The following PIGN variants were observed in gnomAD, a reference collection of about 807,000 sequenced individuals.
PIGN encodes the protein GPI ethanolamine phosphate transferase 1.
In PIGN, 117 loss-of-function variants were observed where a neutral mutation model predicts 125.4. That is an observed-to-expected ratio of 0.93 (90% CI 0.80 to 1.09). PIGN has a LOEUF of 1.09. PIGN is among the 50% of genes least tolerant of loss of function. The pLI is 0.00. For missense variants in PIGN, 1,075 were observed against 1,094.9 expected (o/e 0.98, Z 0.26); for synonymous variants, 392 against 377.8 (o/e 1.04, Z -0.44).
chr18:62,110,152 T>G (rs2034819370), intron 16 of PIGN, 179 bp from the exon 17 acceptor site: 2 of 531,380 alleles, frequency 3.8e-6, no homozygotes, highest in Admixed American at 3.5e-5. Context: ...AGGAGCATAT[T>G]AGAGAGGAAA....
intron 28 of PIGN, among the ~76,000 whole-genome samples, chr18:62,077,781 C>T (rs2033249117): frequency 6.6e-6 from 1 of 152,118 alleles, no homozygotes; most frequent in Admixed American, 6.5e-5. Context: ...TGTGTATTAG[C>T]TAGGGTTGCC....
chr18:62,150,292 G>A (rs970253568), intron 7 of PIGN, among the ~76,000 whole-genome samples: 2 of 151,970 alleles, frequency 1.3e-5, no homozygotes, highest in African/African-American at 4.8e-5. Context: ...CCTCTGATAG[G>A]GTTTAAAGTT....
chr18:62,176,683 A>G (rs1480941285), intron 1 of PIGN, among the ~76,000 whole-genome samples: 2 of 152,110 alleles, frequency 1.3e-5, no homozygotes, highest in Non-Finnish European at 2.9e-5. Context: ...GAGACAGCCT[A>G]CAAAATAATG....
intron 23 of PIGN, among the ~76,000 whole-genome samples, chr18:62,094,890 G>A (rs568429900): frequency 6.6e-6 from 1 of 152,248 alleles, no homozygotes; most frequent in South Asian, 2.1e-4. Context: ...TCTCTTATAT[G>A]AGACTACAAG....
chr18:62,135,509 G>A (rs1183772507), intron 14 of PIGN: 1 of 151,804 alleles, frequency 6.6e-6, no homozygotes, highest in Non-Finnish European at 1.5e-5. Context: ...GGAAGTCTAT[G>A]ATCAGTTACC....
At chr18:62,152,507 G>A (rs1004203560) in intron 7 of PIGN, among the ~76,000 whole-genome samples, 1 of 151,934 alleles carries the variant, frequency 6.6e-6, no homozygotes, top group Non-Finnish European at 1.5e-5. Context: ...TTGGGGGAGA[G>A]GTGCTTAGAA....
chr18:62,077,108 T>C (rs1464694512), intron 28 of PIGN, among the ~76,000 whole-genome samples: 1 of 152,206 alleles, frequency 6.6e-6, no homozygotes, highest in Non-Finnish European at 1.5e-5. Context: ...ATGAGTGCGG[T>C]GGCTCACACC....
chr18:62,146,639 C>T (rs1463266510), intron 9 of PIGN, among the ~76,000 whole-genome samples: 1 of 152,178 alleles, frequency 6.6e-6, no homozygotes, highest in East Asian at 1.9e-4. Context: ...TTCAGCAGCC[C>T]TCGGTCCCTC....
chr18:62,019,519 GA>G (rs1891295658), intron 23 of PIGN, among the ~76,000 whole-genome samples: 1 of 152,192 alleles, frequency 6.6e-6, no homozygotes, highest in Admixed American at 6.5e-5. Flanking sequence ...CTGAAAACCA[GA>G]AATAAGACAA....
intron 1 of PIGN, among the ~76,000 whole-genome samples, chr18:62,182,736 C>T (rs534583041): frequency 6.6e-6 from 1 of 152,298 alleles, no homozygotes; most frequent in African/African-American, 2.4e-5. Flanking sequence ...TAAAACTCTC[C>T]AGTGCCTTCT....
Position 62,085,414 on chromosome 18 carries a change from C to A in PIGN, c.2371-150G>T, listed in dbSNP as rs3213848. ...TTCAATGAACATTCCATTATAACTC[C>A]TTGTGAATGCATTTTAAAACAGCCA... On this transcript the variant is annotated intron_variant, in intron 25 of 30. Transcript: ENST00000640252. The A allele has an allele frequency of 0.012, 7,395 of 641,176 alleles. 225 individuals are homozygous for A. The highest frequency in any genetic ancestry group is 0.071 in the East Asian group (2,535 of 35,710). 39.7% of individuals were successfully genotyped at this position (641,176 alleles called of 1,614,324 possible). A position where few individuals can be genotyped will look rare whatever the true frequency, so the allele number is the denominator to read the frequency against.
chr18:62,166,979 G>A (rs1354639636), intron 1 of PIGN, among the ~76,000 whole-genome samples: 6 of 152,160 alleles, frequency 3.9e-5, no homozygotes, highest in Admixed American at 3.3e-4. Flanking sequence ...ATGACAGGTT[G>A]ATAGGTGCAG....
rs1424590889 is a variant in PIGN, at chr18:62,145,943, T to C, written c.888A>G (p.Val296=). ...WGAGIKYPQR[V]SAQQFDDAFL... ...ATGCATCATCAAATTGCTGAGCTGA[T>C]ACTCTTTGGGGATACTTGATTCCAG... The change falls in exon 10 of 31, where the codon GTA becomes GTG. Residue 296 remains valine (V), a synonymous_variant. Transcript: ENST00000640252. The C allele has an allele frequency of 3.1e-6, 5 of 1,605,022 alleles. No individual in the cohort carries two copies. Among genetic ancestry groups the C allele is most frequent in the Middle Eastern group, 3.3e-4 (2 of 6,040 alleles).
chr18:62,131,038 A>G (rs1050125662), intron 14 of PIGN, among the ~76,000 whole-genome samples: 4 of 152,282 alleles, frequency 2.6e-5, no homozygotes, highest in African/African-American at 9.6e-5. Flanking sequence ...GAAGCAGAAA[A>G]TTATGTTTCT....
chr18:62,049,134 G>A lies in PIGN; in HGVS notation c.2673-3155C>T, dbSNP rs934185262. Among the ~76,000 whole-genome samples the A allele has an allele frequency of 2.0e-4, 30 of 151,530 alleles. 1 individual carries two copies. The highest frequency in any genetic ancestry group is 5.8e-4 in the African/African-American group (24 of 41,486). On this transcript the variant is annotated intron_variant, in intron 30 of 30. Transcript: ENST00000640252. ...ACATTTGGGTTGGTTCCAAGTCTTT[G>A]CTATTGTGAATAGTGCCGCAATAAA...
intron 24 of PIGN, among the ~76,000 whole-genome samples, chr18:62,090,138 G>A (rs2033889612): frequency 6.6e-6 from 1 of 152,076 alleles, no homozygotes; most frequent in Non-Finnish European, 1.5e-5. Context: ...AAGATAAATT[G>A]ACGGAAGGAA....
intron 23 of PIGN, among the ~76,000 whole-genome samples, chr18:62,018,103 A>T (rs958974415): frequency 6.6e-6 from 1 of 152,210 alleles, no homozygotes; most frequent in African/African-American, 2.4e-5. Flanking sequence ...CCAATTCAGA[A>T]CTGCATGGGA....
chr18:62,180,184 A>G (rs781104010), intron 1 of PIGN, among the ~76,000 whole-genome samples: 2 of 152,242 alleles, frequency 1.3e-5, no homozygotes, highest in Non-Finnish European at 2.9e-5. Flanking sequence ...AATGAAATAG[A>G]ATACAGTACA....
At chr18:62,095,382 A>G (rs191431201) in intron 23 of PIGN, among the ~76,000 whole-genome samples, 1 of 152,348 alleles carries the variant, frequency 6.6e-6, no homozygotes, top group East Asian at 1.9e-4. Flanking sequence ...TTAAATAAAA[A>G]TCTTTAAAAG....
Sources: allele counts gnomAD v4.1 joint callset (sites outside exome capture counted in the v4.1 genomes callset), GRCh38; gene constraint gnomAD v4.1.1; transcripts MANE v1.5; gene names NCBI Gene and HGNC (gene_info 2026-07-23, HGNC 2026-07-21).